Variants in TBC1D5 observed in about 807,000 individuals in gnomAD.
The protein encoded by TBC1D5 is TBC1 domain family member 5.
Under a neutral mutation model 100.3 loss-of-function variants are expected in TBC1D5, and 75 were observed. That is an observed-to-expected ratio of 0.75 (90% CI 0.62 to 0.91). The LOEUF (loss-of-function observed/expected upper bound fraction) is 0.91. Among genes scored for constraint, TBC1D5 ranks in the 40% least tolerant of loss-of-function variants. TBC1D5 has a pLI of 0.00. For synonymous variants in TBC1D5, 323 were observed against 325.6 expected (o/e 0.99, Z 0.09); for missense variants, 910 against 942.4 (o/e 0.97, Z 0.45).
chr3:17,397,689 A>T (rs1450260548), intron 8 of TBC1D5, among the ~76,000 whole-genome samples: 2 of 152,190 alleles, frequency 1.3e-5, no homozygotes, highest in African/African-American at 4.8e-5. Flanking sequence ...AGAAAGCTGC[A>T]TCTTTAAAAA....
intron 1 of TBC1D5, among the ~76,000 whole-genome samples, chr3:17,682,215 G>A (rs1347254935): frequency 6.6e-6 from 1 of 151,326 alleles, no homozygotes; most frequent in Admixed American, 6.6e-5. Flanking sequence ...GGGAGGCCAA[G>A]ACAGGAGGAC....
At chr3:17,538,734 G>A (rs919883782) in intron 2 of TBC1D5, among the ~76,000 whole-genome samples, 3 of 152,302 alleles carry the variant, frequency 2.0e-5, no homozygotes, top group Admixed American at 1.3e-4. Flanking sequence ...TGTCAACAGA[G>A]TTTACCTAAA....
chr3:17,274,882 C>T (rs778753932), intron 15 of TBC1D5, among the ~76,000 whole-genome samples: 8 of 152,128 alleles, frequency 5.3e-5, no homozygotes, highest in Admixed American at 1.3e-4. Context: ...TTTGGGCTGA[C>T]GATTTAGTGA....
chr3:17,639,160 C>T (rs564743285), intron 1 of TBC1D5, among the ~76,000 whole-genome samples: 1 of 152,206 alleles, frequency 6.6e-6, no homozygotes, highest in African/African-American at 2.4e-5. Context: ...TTTGACAAGA[C>T]ATACTAGCAA....
intron 15 of TBC1D5, among the ~76,000 whole-genome samples, chr3:17,272,809 C>T (rs17043267): frequency 0.15 from 23,508 of 152,088 alleles, 2,500 homozygotes; most frequent in East Asian, 0.48. Flanking sequence ...GATAATACTT[C>T]GTAATTTTCC....
At chr3:17,318,920 T>C (rs1170894774) in intron 13 of TBC1D5, among the ~76,000 whole-genome samples, 1 of 152,192 alleles carries the variant, frequency 6.6e-6, no homozygotes, top group Non-Finnish European at 1.5e-5. Flanking sequence ...TAAAATACAA[T>C]GGTAATTACA....
At chr3:17,314,166 A>G (rs1294806737) in intron 13 of TBC1D5, among the ~76,000 whole-genome samples, 3 of 152,132 alleles carry the variant, frequency 2.0e-5, no homozygotes, top group Non-Finnish European at 4.4e-5. Context: ...TAAGTTACGG[A>G]TGTTGTTTTG....
intron 1 of TBC1D5, among the ~76,000 whole-genome samples, chr3:17,681,657 A>T (rs1439690245): frequency 6.6e-6 from 1 of 151,582 alleles, no homozygotes; most frequent in Non-Finnish European, 1.5e-5. Context: ...TCCAACATGA[A>T]ATTATAAATT....
intron 18 of TBC1D5, among the ~76,000 whole-genome samples, chr3:17,208,749 GTGT>G (rs2072567206): frequency 6.6e-6 from 1 of 152,122 alleles, no homozygotes; most frequent in Non-Finnish European, 1.5e-5. Flanking sequence ...TAATTAATTG[GTGT>G]TGGAGACTAA....
chr3:17,739,714 C>T (rs956882952), exon 1 of TBC1D5: 2 of 152,220 alleles, frequency 1.3e-5, no homozygotes, highest in Non-Finnish European at 2.9e-5. Context: ...GCAGGCCAGG[C>T]GCGGCCTGGT....
intron 14 of TBC1D5, among the ~76,000 whole-genome samples, chr3:17,300,900 C>T (rs555328351): frequency 6.6e-5 from 10 of 151,988 alleles, no homozygotes; most frequent in Admixed American, 5.2e-4. Context: ...GGTGAAACCC[C>T]GTCTCTACTA....
chr3:17,214,417 C>CTGTTTTTAA (rs1364826319), intron 17 of TBC1D5, 47 bp from the exon 19 acceptor site: 2 of 1,568,262 alleles, frequency 1.3e-6, no homozygotes, highest in Admixed American at 3.7e-5. Context: ...GACTCTTTCA[C>CTGTTTTTAA]TAAGCTATTC....
Position 17,732,720 on chromosome 3 carries a change from A to AAAATAAATAAATAAAT in TBC1D5, c.-101+6607_-101+6622dup, listed in dbSNP as rs60531914. The stretch of plus-strand genomic sequence containing the variant: ...TGACAGAGCGAGGCTCCGTCTCAAA[A>AAAATAAATAAATAAAT]AAATAAATAAATAAATAAATAAATA... On this transcript the variant is annotated intron_variant, in intron 1 of 21. Coordinates refer to ENST00000253692, the Ensembl canonical transcript of TBC1D5. 8.0e-3 allele frequency among the ~76,000 whole-genome samples: 1,161 copies of AAAATAAATAAATAAAT among 144,864 alleles called. 8 individuals carry two copies. The highest frequency in any genetic ancestry group is 0.033 in the South Asian group (147 of 4,480).
intron 1 of TBC1D5, among the ~76,000 whole-genome samples, chr3:17,710,421 G>A (rs117129488): frequency 0.017 from 2,513 of 152,050 alleles, 53 homozygotes; most frequent in South Asian, 0.048. Context: ...AAAATAAGCA[G>A]GGTATGGTGC....
intron 16 of TBC1D5, among the ~76,000 whole-genome samples, chr3:17,253,305 A>G (rs2077330440): frequency 6.6e-6 from 1 of 152,204 alleles, no homozygotes; most frequent in Non-Finnish European, 1.5e-5. Flanking sequence ...TTCAAAGGAC[A>G]CTGATGGCTA....
At chr3:17,374,782 AC>A in intron 10 of TBC1D5, 103 bp from the exon 11 acceptor site, 1 of 1,151,850 alleles carries the variant, frequency 8.7e-7, no homozygotes, top group South Asian at 1.5e-5. Context: ...TAATATGCAA[AC>A]GAAAAAAATT....
intron 2 of TBC1D5, among the ~76,000 whole-genome samples, chr3:17,614,228 A>C (rs533843264): frequency 5.9e-5 from 9 of 152,182 alleles, no homozygotes; most frequent in Middle Eastern, 3.4e-3. Context: ...GGCCTCTGTT[A>C]TGTTCCATTG....
chr3:17,387,508 A>C (rs2152285655), intron 8 of TBC1D5, among the ~76,000 whole-genome samples: 1 of 152,222 alleles, frequency 6.6e-6, no homozygotes, highest in Middle Eastern at 3.4e-3. Flanking sequence ...ATCAGGATTC[A>C]ATCCAGAAGA....
intron 2 of TBC1D5, among the ~76,000 whole-genome samples, chr3:17,509,959 T>C (rs1290067994): frequency 6.6e-6 from 1 of 152,072 alleles, no homozygotes; most frequent in East Asian, 1.9e-4. Flanking sequence ...GTAAATTTTA[T>C]ATGTCCCTAA....
Sources: gnomAD v4.1 joint callset for allele counts (sites outside exome capture counted in the v4.1 genomes callset) on GRCh38, gnomAD v4.1.1 for gene constraint, MANE v1.5 for transcripts, NCBI Gene and HGNC (gene_info 2026-07-23, HGNC 2026-07-21) for gene names.